Variants in SLC12A7 observed in about 807,000 individuals in gnomAD.
The protein encoded by SLC12A7 is K-Cl cotransporter 4.
Under a neutral mutation model 120.6 loss-of-function variants are expected in SLC12A7, and 100 were observed. That is an observed-to-expected ratio of 0.83 (90% CI 0.71 to 0.98). The LOEUF (loss-of-function observed/expected upper bound fraction) is 0.98. Ranked by LOEUF, SLC12A7 falls within the 50% of genes least tolerant of loss-of-function variation. SLC12A7 has a pLI of 0.00. For synonymous variants in SLC12A7, 760 were observed against 678.0 expected (o/e 1.12, Z -1.88); for missense variants, 1,373 against 1,548.1 (o/e 0.89, Z 1.90).
At chr5:1,104,218 A>G (rs1742288484) in intron 1 of SLC12A7, among the ~76,000 whole-genome samples, 1 of 152,212 alleles carries the variant, frequency 6.6e-6, no homozygotes, top group African/African-American at 2.4e-5. Context: ...CGCTGGCGCC[A>G]GAGGTCTGCA....
chr5:1,089,143 A>C lies in SLC12A7; in HGVS notation c.343-15T>G. 6.2e-7 allele frequency: 1 copy of C among 1,611,344 alleles called. No homozygotes were observed. The highest frequency in any genetic ancestry group is 1.1e-5 in the South Asian group (1 of 91,054). ...ATGCGCGGAGCCTGCGACAGAGCAT[A>C]GCGTGTCCCAGGGGCTCGTACCCCA... On this transcript the variant is annotated splice_polypyrimidine_tract_variant and intron_variant, in intron 3 of 23. Transcript: ENST00000264930.
intron 5 of SLC12A7, 69 bp downstream of exon 5, chr5:1,088,237 G>C: frequency 6.6e-7 from 1 of 1,505,798 alleles, no homozygotes; most frequent in Non-Finnish European, 9.0e-7. Flanking sequence ...GCCTCCTCGC[G>C]GTTGCCGTGC....
At position 1,085,508 on chromosome 5, in the gene SLC12A7, G is replaced by C. The variant is rs376161247; in HGVS notation, c.676-35C>G. 8 of 1,550,214 alleles carry C rather than the reference G, an allele frequency of 5.2e-6. No individual in the cohort carries two copies. The South Asian group carries it at 9.7e-5, about 19-fold the overall frequency. On this transcript the variant is annotated intron_variant, in intron 6 of 23. Transcript: ENST00000264930. ...CAAGGCCGGTCGGGAGGCCGTCCCC[G>C]GACACAACTCCCCAGTGCCCGTCCC...
In SLC12A7 at chr5:1,087,323, A is replaced by G. The variant is rs1325682220; in HGVS notation, c.545-290T>C. ...AGCAGGAGGCCCCAGCAGGTCCCAGAAAAAGTCCCGCGTACATCAGTGGCA... is the reference window on the plus strand; with the variant it reads ...AGCAGGAGGCCCCAGCAGGTCCCAGGAAAAGTCCCGCGTACATCAGTGGCA... On this transcript the variant is annotated intron_variant, in intron 5 of 23. Coordinates refer to ENST00000264930, the MANE Select transcript of SLC12A7 (RefSeq NM_006598.3). 2.0e-5 allele frequency among the ~76,000 whole-genome samples: 3 copies of G among 152,226 alleles called. 1 individual carries two copies. Among genetic ancestry groups the G allele is most frequent in the African/African-American group, 7.2e-5 (3 of 41,468 alleles).
the SLC12A7 span, among the ~76,000 whole-genome samples, chr5:1,145,050 C>T: frequency 1.3e-5 from 2 of 152,252 alleles, no homozygotes; most frequent in East Asian, 1.9e-4. This position sits in a 1 kb window ranked among gnomAD's most constrained non-coding sequence, Gnocchi z 4.4. Context: ...GCTGTCGGCA[C>T]GGCCAGGCCG....
At chr5:1,075,909 A>G in intron 14 of SLC12A7, 1 of 540,522 alleles carries the variant, frequency 1.9e-6, no homozygotes, top group Non-Finnish European at 3.3e-6. Context: ...CCTCGTAACC[A>G]GAGGCCTTCC....
At chr5:1,078,561 C>A in intron 11 of SLC12A7, 140 bp downstream of exon 11, 1 of 718,370 alleles carries the variant, frequency 1.4e-6, no homozygotes, top group Admixed American at 2.1e-5. Context: ...CCAAGGGATC[C>A]CAACCCTGGG....
At chr5:1,154,825 G>C in the SLC12A7 span, among the ~76,000 whole-genome samples, 1 of 152,206 alleles carries the variant, frequency 6.6e-6, no homozygotes, top group African/African-American at 2.4e-5. Flanking sequence ...CGCAGTAACC[G>C]CAGGTCTTCA....
At chr5:1,112,871 T>TCC (rs70957329), upstream of SLC12A7, among the ~76,000 whole-genome samples, 1,330 of 111,132 alleles carry the variant, frequency 0.012, 15 homozygotes, top group East Asian at 0.047. Context: ...GTAGAGGGAG[T>TCC]CCCCCCCCCC....
chr5:1,124,887 C>T, the SLC12A7 span, among the ~76,000 whole-genome samples: 2 of 152,296 alleles, frequency 1.3e-5, no homozygotes, highest in East Asian at 1.9e-4. Context: ...TCAAATCTCA[C>T]ACCCTGATGA....
intron 1 of SLC12A7, among the ~76,000 whole-genome samples, chr5:1,098,432 GC>G (rs200619602): frequency 5.7e-3 from 1 of 176 alleles, no homozygotes. Flanking sequence ...GCATGCCCAG[GC>G]CCCCCTCTAA....
Position 1,052,117 on chromosome 5 carries a change from C to A in SLC12A7, c.*243G>T. 1 of 568,490 alleles carries A rather than the reference C, an allele frequency of 1.8e-6. No individual in the cohort carries two copies. 35.2% of individuals were successfully genotyped at this position (568,490 alleles called of 1,614,324 possible). On this transcript the variant is annotated 3_prime_UTR_variant, in exon 24 of 24. Coordinates refer to ENST00000264930, the MANE Select transcript of SLC12A7 (RefSeq NM_006598.3). ...CACGTCCAGGTCACTCCGGTAGCAG[C>A]GTCTGCCCTCAGATGCAAGGAAATC...
At chr5:1,083,994 C>A in intron 7 of SLC12A7, 38 bp from the exon 8 acceptor site, 1 of 1,578,948 alleles carries the variant, frequency 6.3e-7, no homozygotes, top group Non-Finnish European at 8.6e-7. Context: ...TGTGCTGCCA[C>A]CGAAGTGGCT....
At chr5:1,129,313 G>A in the SLC12A7 span, among the ~76,000 whole-genome samples, 5 of 152,134 alleles carry the variant, frequency 3.3e-5, no homozygotes, top group African/African-American at 7.2e-5. Flanking sequence ...TGGGCAGGAC[G>A]TTCAGGTAAC....
intron 17 of SLC12A7, among the ~76,000 whole-genome samples, chr5:1,069,939 C>G (rs1222467518): frequency 6.6e-6 from 1 of 152,110 alleles, no homozygotes; most frequent in Non-Finnish European, 1.5e-5. Flanking sequence ...CGTCCCTCCC[C>G]ACAAAGCTCT....
At position 1,107,184 on chromosome 5, in the gene SLC12A7, A is replaced by C. The variant is rs139644414; in HGVS notation, c.124+4684T>G. Among the ~76,000 whole-genome samples the C allele has an allele frequency of 1.5e-3, 228 of 152,268 alleles. 1 individual carries two copies. Among genetic ancestry groups the C allele is most frequent in the Admixed American group, 0.011 (171 of 15,300 alleles). ...TCACGCTTTACTCTCTGAATATTCA[A>C]GTTCTCAGCCTTCTTTGAGAAGAAA... On this transcript the variant is annotated intron_variant, in intron 1 of 23. Coordinates refer to ENST00000264930, the MANE Select transcript of SLC12A7 (RefSeq NM_006598.3).
intron 7 of SLC12A7, 96 bp downstream of exon 7, chr5:1,085,136 C>A: frequency 1.3e-6 from 2 of 1,510,260 alleles, no homozygotes; most frequent in Admixed American, 2.0e-5. Flanking sequence ...TTGCGGGGAG[C>A]TCGGCGTCAA....
intron 9 of SLC12A7, 106 bp downstream of exon 9, chr5:1,081,471 G>A (rs1252359259): frequency 9.1e-6 from 11 of 1,214,262 alleles, no homozygotes; most frequent in African/African-American, 3.0e-5. Context: ...GCAGTGAGCC[G>A]TGATCACACC....
In SLC12A7 at chr5:1,076,818, G is replaced by C; in HGVS notation, c.1630-6C>G. 1 of 1,595,950 alleles carries C rather than the reference G, an allele frequency of 6.3e-7. No individual in the cohort carries two copies. ...GCCTTCCCGTGGCCAAACACCTGCA[G>C]GGAGAAGGGCAGGAAGATGGGGCAG... On this transcript the variant is annotated splice_region_variant and splice_polypyrimidine_tract_variant and intron_variant, in intron 12 of 23. Coordinates refer to ENST00000264930, the MANE Select transcript of SLC12A7 (RefSeq NM_006598.3).
Sources: allele counts gnomAD v4.1 joint callset (sites outside exome capture counted in the v4.1 genomes callset), GRCh38; gene constraint gnomAD v4.1.1; non-coding constraint Gnocchi (gnomAD v3.1); transcripts MANE v1.5; gene names NCBI Gene and HGNC (gene_info 2026-07-23, HGNC 2026-07-21).